GYS2: variants seen among roughly 807,000 people sequenced by gnomAD.
GYS2 encodes glycogen [starch] synthase, liver.
In GYS2, 80 loss-of-function variants were observed where a neutral mutation model predicts 85.6. The observed-to-expected ratio is 0.93, with a 90% confidence interval of 0.78 to 1.13. The LOEUF (loss-of-function observed/expected upper bound fraction) is 1.13. GYS2 is among the 50% of genes most tolerant of loss of function. The pLI is 0.00. For synonymous variants in GYS2, 328 were observed against 300.7 expected, an observed-to-expected ratio of 1.09 and a Z score of -0.94; for missense variants, 881 against 854.9, an observed-to-expected ratio of 1.03 and a Z score of -0.38.
intron 2 of GYS2, among the ~76,000 whole-genome samples, chr12:21,576,908 A>T (rs1004875773): frequency 2.0e-5 from 3 of 152,196 alleles, no homozygotes; most frequent in African/African-American, 7.2e-5. Flanking sequence ...CCCTTTCTGG[A>T]ACTCAGCAGA....
intron 1 of GYS2, among the ~76,000 whole-genome samples, chr12:21,593,962 T>C (rs1944667766): frequency 6.6e-6 from 1 of 152,066 alleles, no homozygotes; most frequent in African/African-American, 2.4e-5. Flanking sequence ...TTCAAATCAA[T>C]AAATGTGATA....
At chr12:21,535,087 T>C (rs1411983738), downstream of GYS2, 1 of 152,210 alleles carries the variant, frequency 6.6e-6, no homozygotes, top group African/African-American at 2.4e-5. Flanking sequence ...TAGAAGGTGA[T>C]TCCTACACAT....
chr12:21,574,774 T>C (rs1460618943), intron 3 of GYS2, among the ~76,000 whole-genome samples: 1 of 152,044 alleles, frequency 6.6e-6, no homozygotes, highest in Non-Finnish European at 1.5e-5. Flanking sequence ...AGACTTGTGT[T>C]TATTTATAGT....
At chr12:21,584,769 T>TTGG (rs879724003) in intron 1 of GYS2, among the ~76,000 whole-genome samples, 30 of 152,198 alleles carry the variant, frequency 2.0e-4, no homozygotes, top group Non-Finnish European at 4.3e-4. Context: ...AATCCTGAAC[T>TTGG]CAATGCTTAT....
At chr12:21,571,732 G>A (rs1310941749) in intron 4 of GYS2, among the ~76,000 whole-genome samples, 1 of 152,146 alleles carries the variant, frequency 6.6e-6, no homozygotes, top group Non-Finnish European at 1.5e-5. Flanking sequence ...GGAGGCTGAG[G>A]CGGGCGGATG....
intron 5 of GYS2, among the ~76,000 whole-genome samples, chr12:21,563,925 A>C (rs1212548508): frequency 1.3e-5 from 2 of 152,210 alleles, no homozygotes; most frequent in East Asian, 3.9e-4. Flanking sequence ...GCATTTGGAA[A>C]ATTGGAAAAG....
chr12:21,540,359 G>A, intron 14 of GYS2, 51 bp downstream of exon 14: 1 of 1,408,920 alleles, frequency 7.1e-7, no homozygotes, highest in South Asian at 1.2e-5. Flanking sequence ...TATGTTTATA[G>A]TCCAGTGGAA....
At chr12:21,587,536 C>A (rs1944588114) in intron 1 of GYS2, among the ~76,000 whole-genome samples, 2 of 152,066 alleles carry the variant, frequency 1.3e-5, no homozygotes, top group South Asian at 4.1e-4. Flanking sequence ...CTTGCTGCTG[C>A]CATGTGAAGA....
In GYS2 at chr12:21,604,393, G is replaced by A. The variant is rs1944783914; in HGVS notation, c.121+79C>T. The A allele has an allele frequency of 7.9e-6, 7 of 881,266 alleles. No homozygotes were observed. In the Admixed American group the frequency reaches 1.2e-4, roughly 15 times the overall value. 54.6% of individuals were successfully genotyped at this position (881,266 alleles called of 1,614,324 possible). On this transcript the variant is annotated intron_variant, in intron 1 of 15. Transcript: ENST00000261195. ...ACTAGCAATTGGTTATCACTAGAGA[G>A]TTATCTGTGAAATCTTACTCTACAT... is the stretch of plus-strand genomic sequence containing the variant.
At chr12:21,539,163 T>C in intron 15 of GYS2, 95 bp downstream of exon 15, 1 of 756,804 alleles carries the variant, frequency 1.3e-6, no homozygotes, top group Non-Finnish European at 2.3e-6. Flanking sequence ...AAAAGTATCA[T>C]AGCTTGTGTG....
At chr12:21,555,383 T>C (rs1479896763) in intron 11 of GYS2, among the ~76,000 whole-genome samples, 1 of 152,176 alleles carries the variant, frequency 6.6e-6, no homozygotes, top group Non-Finnish European at 1.5e-5. Flanking sequence ...CCCAGGGATG[T>C]AGCTCACTTA....
intron 11 of GYS2, among the ~76,000 whole-genome samples, chr12:21,554,853 T>G (rs1034826496): frequency 6.6e-6 from 1 of 152,198 alleles, no homozygotes; most frequent in African/African-American, 2.4e-5. Flanking sequence ...GTTTCACTGA[T>G]GCAAAACACT....
Position 21,604,840 on chromosome 12 carries a change from C to T in GYS2, c.-248G>A, listed in dbSNP as rs1944789857. ...ATTGTGAGGACGGTATCTGCCCTGTCAGTATCTACCCAAACAATCCAGAGC... is the reference window on the plus strand; with the variant it reads ...ATTGTGAGGACGGTATCTGCCCTGTTAGTATCTACCCAAACAATCCAGAGC... On this transcript the variant is annotated 5_prime_UTR_variant, in exon 1 of 16. Transcript: ENST00000261195. 4 of 1,260,948 alleles carry T rather than the reference C, an allele frequency of 3.2e-6. No individual in the cohort carries two copies. The highest frequency in any genetic ancestry group is 4.0e-6 in the Non-Finnish European group (4 of 989,362). The allele number at this position is 1,260,948 out of a possible 1,614,324, so 78.1% of individuals were successfully genotyped here.
chr12:21,595,883 T>C (rs1204220577), intron 1 of GYS2, among the ~76,000 whole-genome samples: 1 of 152,148 alleles, frequency 6.6e-6, no homozygotes, highest in Non-Finnish European at 1.5e-5. Flanking sequence ...ACTAGACAGT[T>C]CATCAAGACA....
chr12:21,569,901 T>C (rs1250973728), intron 4 of GYS2, among the ~76,000 whole-genome samples: 1 of 152,146 alleles, frequency 6.6e-6, no homozygotes. Flanking sequence ...TTGAACCTTT[T>C]AGAGGTCAAG....
At chr12:21,547,097 G>A (rs986644527) in intron 11 of GYS2, among the ~76,000 whole-genome samples, 8 of 152,140 alleles carry the variant, frequency 5.3e-5, no homozygotes, top group Non-Finnish European at 1.2e-4. Flanking sequence ...CTTTAAAAAT[G>A]TCAGTCATTC....
chr12:21,537,774 T>C (rs1339225329), intron 15 of GYS2, among the ~76,000 whole-genome samples: 5 of 152,206 alleles, frequency 3.3e-5, no homozygotes, highest in African/African-American at 7.2e-5. Flanking sequence ...TAGACTTTAA[T>C]TAATTTGCCC....
chr12:21,579,127 T>A (rs905767755), intron 2 of GYS2, among the ~76,000 whole-genome samples: 2 of 152,188 alleles, frequency 1.3e-5, no homozygotes, highest in Non-Finnish European at 2.9e-5. Context: ...AGTCCTTTGC[T>A]GACTTAATCC....
intron 1 of GYS2, among the ~76,000 whole-genome samples, chr12:21,597,383 A>G (rs929879400): frequency 6.6e-6 from 1 of 152,096 alleles, no homozygotes; most frequent in African/African-American, 2.4e-5. Context: ...TCATTAAAAA[A>G]TTGGCAAAGG....
Sources: allele counts gnomAD v4.1 joint callset (sites outside exome capture counted in the v4.1 genomes callset), GRCh38; gene constraint gnomAD v4.1.1; transcripts MANE v1.5; gene names NCBI Gene and HGNC (gene_info 2026-07-23, HGNC 2026-07-21).